JAK2: variants seen among roughly 807,000 people sequenced by gnomAD.
The protein encoded by JAK2 is Janus kinase 2, also known as tyrosine-protein kinase JAK2.
A neutral mutation model predicts 139.3 loss-of-function variants in JAK2; 86 were observed. That is an observed-to-expected ratio of 0.62 (90% CI 0.52 to 0.74). The LOEUF (loss-of-function observed/expected upper bound fraction) is 0.74, where lower values mean the gene tolerates loss of function less well. JAK2 is among the 30% of genes least tolerant of loss of function. The probability of loss-of-function intolerance (pLI) is 0.00; values close to 1 mark genes in which losing one functional copy is unlikely to be tolerated. For synonymous variants in JAK2, 490 were observed against 437.7 expected (o/e 1.12, Z -1.49); for missense variants, 1,421 against 1,360.3 (o/e 1.04, Z -0.70).
At position 5,054,495 on chromosome 9, in the gene JAK2, C is replaced by T. The variant is rs547437223; in HGVS notation, c.615-68C>T. 1.8e-5 allele frequency: 25 copies of T among 1,356,010 alleles called. No individual in the cohort carries two copies. The highest frequency in any genetic ancestry group is 2.5e-5 in the Non-Finnish European group (25 of 989,800). 84.0% of individuals were successfully genotyped at this position (1,356,010 alleles called of 1,614,324 possible). Reference sequence around the variant, plus strand: ...TGGAAAAAGGTGGTAACTTCTTTTTCAATTTTTAGATTTATCTTCCAATTT... The same window carrying T: ...TGGAAAAAGGTGGTAACTTCTTTTTTAATTTTTAGATTTATCTTCCAATTT... On this transcript the variant is annotated intron_variant, in intron 6 of 24. Coordinates refer to ENST00000381652, the MANE Select transcript of JAK2 (RefSeq NM_004972.4). The surrounding 1 kb of genome is among the most constrained non-coding windows in gnomAD (Gnocchi z 4.9).
At chr9:5,094,370 A>G (rs1050464428) in intron 22 of JAK2, 1 of 152,160 alleles carries the variant, frequency 6.6e-6, no homozygotes, top group Non-Finnish European at 1.5e-5. Flanking sequence ...ATTAATTTTA[A>G]TATAGGCCTC....
intron 13 of JAK2, 80 bp from the exon 14 acceptor site, chr9:5,073,618 T>C (rs1819119732): frequency 9.5e-7 from 1 of 1,048,642 alleles, no homozygotes; most frequent in Non-Finnish European, 1.5e-6. Flanking sequence ...AGTGCATCTT[T>C]ATTATGGCAG....
At chr9:5,039,205 AGAAG>A (rs1586682403) in intron 4 of JAK2, among the ~76,000 whole-genome samples, 3 of 152,270 alleles carry the variant, frequency 2.0e-5, no homozygotes, top group East Asian at 3.9e-4. Flanking sequence ...TTGGAAAATA[AGAAG>A]TAAAATTGTA....
intron 19 of JAK2, among the ~76,000 whole-genome samples, chr9:5,084,134 C>A (rs1398664989): frequency 3.3e-5 from 5 of 152,028 alleles, no homozygotes; most frequent in African/African-American, 9.7e-5. Context: ...TGAAGAGACT[C>A]TAAGGAAGGC....
At chr9:4,990,189 T>G (rs951114581) in intron 2 of JAK2, among the ~76,000 whole-genome samples, 9 of 152,184 alleles carry the variant, frequency 5.9e-5, no homozygotes, top group African/African-American at 2.2e-4. Context: ...AAGGTTTGCT[T>G]TTCAGTGACG....
At chr9:5,097,840 ACCAC>A (rs1331823648) in intron 22 of JAK2, 1 of 152,164 alleles carries the variant, frequency 6.6e-6, no homozygotes, top group African/African-American at 2.4e-5. Flanking sequence ...AGGAGGCTTT[ACCAC>A]TGGTTCCCCC....
chr9:5,023,335 T>G (rs1822560857), intron 3 of JAK2, among the ~76,000 whole-genome samples: 1 of 152,186 alleles, frequency 6.6e-6, no homozygotes, highest in African/African-American at 2.4e-5. Flanking sequence ...AATGACATGA[T>G]TACATTCTTT....
intron 18 of JAK2, among the ~76,000 whole-genome samples, chr9:5,081,225 T>TTA (rs1193019917): frequency 6.6e-6 from 1 of 151,716 alleles, no homozygotes; most frequent in South Asian, 2.1e-4. Flanking sequence ...TAACCTAATT[T>TTA]TAGTTTTCCA....
At position 5,055,063 on chromosome 9, in the gene JAK2, GT is replaced by G. The variant is rs375572480; in HGVS notation, c.936+185del. Among the ~76,000 whole-genome samples the G allele has an allele frequency of 3.3e-5, 5 of 151,830 alleles. No individual in the cohort carries two copies. The South Asian group carries it at 8.3e-4, about 25-fold the overall frequency. On this transcript the variant is annotated intron_variant, in intron 7 of 24. Transcript: ENST00000381652. ...ATTCTTTGCCTACTATTCTTAAATG[GT>G]TTTTTCATTTAATTTTTTATGACAA... is the stretch of plus-strand genomic sequence containing the variant.
intron 18 of JAK2, among the ~76,000 whole-genome samples, chr9:5,081,098 T>C (rs529477599): frequency 2.4e-4 from 36 of 151,904 alleles, no homozygotes; most frequent in Admixed American, 4.6e-4. Context: ...GGTTTCACCG[T>C]GTTAGCCAGG....
At chr9:5,017,622 TA>T (rs1380963011) in intron 2 of JAK2, among the ~76,000 whole-genome samples, 1 of 152,222 alleles carries the variant, frequency 6.6e-6, no homozygotes, top group East Asian at 1.9e-4. Flanking sequence ...TTTATTGCTA[TA>T]AACTTCCCTC....
chr9:5,070,475 A>C (rs1818883802), intron 12 of JAK2, among the ~76,000 whole-genome samples: 1 of 152,162 alleles, frequency 6.6e-6, no homozygotes. Context: ...AAATCTGAGG[A>C]TACTTAAGTG....
intron 2 of JAK2, among the ~76,000 whole-genome samples, chr9:5,003,559 A>G (rs1330156520): frequency 6.6e-6 from 1 of 152,040 alleles, no homozygotes; most frequent in Non-Finnish European, 1.5e-5. Flanking sequence ...ATTTTTATAT[A>G]TTGGTCTTGC....
At chr9:5,094,397 C>T (rs1000804287) in intron 22 of JAK2, 10 of 152,170 alleles carry the variant, frequency 6.6e-5, no homozygotes, top group African/African-American at 2.2e-4. Flanking sequence ...ATTCTAGCCA[C>T]ATCAAGCCTA....
At chr9:5,113,824 G>GAGACAGCGACTGGCTCA in intron 22 of JAK2, 1 of 175,776 alleles carries the variant, frequency 5.7e-6, no homozygotes, top group Non-Finnish European at 1.2e-5. Context: ...TCTGTGGTCC[G>GAGACAGCGACTGGCTCA]CAGACCAGGT....
intron 2 of JAK2, among the ~76,000 whole-genome samples, chr9:4,987,960 C>G (rs1820055677): frequency 6.6e-6 from 1 of 152,046 alleles, no homozygotes; most frequent in African/African-American, 2.4e-5. Context: ...CGTGTTTCCT[C>G]CTTTCTAGTA....
chr9:5,037,060 A>G (rs1329546042), intron 4 of JAK2, among the ~76,000 whole-genome samples: 1 of 152,240 alleles, frequency 6.6e-6, no homozygotes, highest in Admixed American at 6.5e-5. Flanking sequence ...ATACGAACAG[A>G]CACTTCTTGA....
intron 4 of JAK2, among the ~76,000 whole-genome samples, chr9:5,043,190 G>A (rs1453449459): frequency 6.6e-6 from 1 of 152,218 alleles, no homozygotes; most frequent in Non-Finnish European, 1.5e-5. Context: ...GACTCCCAGC[G>A]GGTCAGCTTG....
intron 13 of JAK2, 107 bp from the exon 14 acceptor site, chr9:5,073,591 T>C (rs982792572): frequency 1.1e-5 from 9 of 821,986 alleles, no homozygotes; most frequent in African/African-American, 5.1e-5. Context: ...TCTATAGTCA[T>C]GCTGAAAGTA....
Sources: gnomAD v4.1 joint callset for allele counts (sites outside exome capture counted in the v4.1 genomes callset) on GRCh38, gnomAD v4.1.1 for gene constraint, Gnocchi (gnomAD v3.1) non-coding constraint, MANE v1.5 for transcripts, NCBI Gene and HGNC (gene_info 2026-07-23, HGNC 2026-07-21) for gene names.